Variants in EEFSEC observed in about 807,000 individuals in gnomAD.
The protein encoded by EEFSEC is selenocysteine-specific elongation factor.
A neutral mutation model predicts 42.1 loss-of-function variants in EEFSEC; 43 were observed. That is an observed-to-expected ratio of 1.02 (90% CI 0.80 to 1.32). The LOEUF is 1.32. Among genes scored for constraint, EEFSEC ranks in the 40% most tolerant of loss-of-function variants. The pLI, the probability that EEFSEC is intolerant of heterozygous loss-of-function variation, is 0.00. For synonymous variants in EEFSEC, 354 were observed against 339.1 expected (o/e 1.04, Z -0.48); for missense variants, 745 against 803.6 (o/e 0.93, Z 0.88).
intron 1 of EEFSEC, among the ~76,000 whole-genome samples, chr3:128,212,763 A>G (rs1177701982): frequency 6.6e-6 from 1 of 152,202 alleles, no homozygotes; most frequent in Non-Finnish European, 1.5e-5. Context: ...CAAAATTCAG[A>G]TAGTCTCTGT....
chr3:128,356,580 T>G (rs1048829527), intron 5 of EEFSEC, among the ~76,000 whole-genome samples: 2 of 152,236 alleles, frequency 1.3e-5, no homozygotes, highest in Non-Finnish European at 2.9e-5. Context: ...CTTCTTGGTT[T>G]GTTTTTACAT....
At chr3:128,164,796 T>C (rs2065228309) in intron 1 of EEFSEC, among the ~76,000 whole-genome samples, 1 of 152,076 alleles carries the variant, frequency 6.6e-6, no homozygotes, top group Non-Finnish European at 1.5e-5. Context: ...GAGTCTCTTC[T>C]GGGAGGAAGG....
intron 5 of EEFSEC, among the ~76,000 whole-genome samples, chr3:128,345,290 G>A (rs903953630): frequency 6.6e-6 from 1 of 152,126 alleles, no homozygotes; most frequent in African/African-American, 2.4e-5. Flanking sequence ...TGCCTGGAGC[G>A]TGGGTCCACT....
chr3:128,416,773 A>C, the EEFSEC span, among the ~76,000 whole-genome samples: 2 of 152,148 alleles, frequency 1.3e-5, no homozygotes, highest in Non-Finnish European at 2.9e-5. Flanking sequence ...GAAGGGAATG[A>C]GGTCCACAGC....
rs57494895 is a variant in EEFSEC at position 128,406,552 on chromosome 3, G to C, written c.1601-1517G>C. Among the ~76,000 whole-genome samples the C allele has an allele frequency of 4.2e-3, 633 of 152,308 alleles. 5 individuals carry two copies. The highest frequency in any genetic ancestry group is 0.02 in the Middle Eastern group (6 of 294). Reference sequence around the variant, plus strand: ...CACCAAAATAAGTATGTGAGGTGATGAATGTGTTAATTAGTCTGATTTAAT... The same window carrying C: ...CACCAAAATAAGTATGTGAGGTGATCAATGTGTTAATTAGTCTGATTTAAT... On this transcript the variant is annotated intron_variant, in intron 6 of 6. Transcript: ENST00000254730.
At chr3:128,226,079 C>CA (rs1214639130) in intron 1 of EEFSEC, among the ~76,000 whole-genome samples, 1 of 152,216 alleles carries the variant, frequency 6.6e-6, no homozygotes, top group Non-Finnish European at 1.5e-5. Flanking sequence ...GCTGTGGAAA[C>CA]ACTCGTTGCC....
chr3:128,253,019 C>T (rs183013333), intron 2 of EEFSEC, among the ~76,000 whole-genome samples: 1 of 152,188 alleles, frequency 6.6e-6, no homozygotes, highest in African/African-American at 2.4e-5. Flanking sequence ...GGAGCTGGGT[C>T]TCCCTTGTAC....
chr3:128,372,934 C>G (rs1288398107), intron 6 of EEFSEC, among the ~76,000 whole-genome samples: 1 of 152,262 alleles, frequency 6.6e-6, no homozygotes, highest in African/African-American at 2.4e-5. Context: ...GTAGATGTCA[C>G]TTCCATGAAA....
chr3:128,281,444 A>G (rs184879971), intron 4 of EEFSEC, among the ~76,000 whole-genome samples: 1 of 152,320 alleles, frequency 6.6e-6, no homozygotes, highest in East Asian at 1.9e-4. Context: ...TAGTAAGAGT[A>G]TGTTCCAGAA....
intron 4 of EEFSEC, among the ~76,000 whole-genome samples, chr3:128,324,613 AG>A (rs1481311865): frequency 6.6e-6 from 1 of 152,210 alleles, no homozygotes; most frequent in Non-Finnish European, 1.5e-5. Context: ...ATTTTCTGAT[AG>A]CCAACTTCCA....
At chr3:128,255,977 A>C (rs552074839) in intron 2 of EEFSEC, among the ~76,000 whole-genome samples, 1 of 151,894 alleles carries the variant, frequency 6.6e-6, no homozygotes, top group Non-Finnish European at 1.5e-5. Context: ...GTTTGGGGCT[A>C]TAGTGGGGGA....
chr3:128,261,341 T>C (rs930884520), intron 2 of EEFSEC, among the ~76,000 whole-genome samples: 3 of 152,240 alleles, frequency 2.0e-5, no homozygotes, highest in African/African-American at 7.2e-5. Context: ...TAGGCTTGGC[T>C]CAGCCATGTA....
intron 4 of EEFSEC, among the ~76,000 whole-genome samples, chr3:128,305,183 A>G (rs1211922557): frequency 6.6e-6 from 1 of 152,048 alleles, no homozygotes; most frequent in Non-Finnish European, 1.5e-5. Flanking sequence ...GGAGTGATTT[A>G]TGGTTTTTGT....
intron 6 of EEFSEC, among the ~76,000 whole-genome samples, chr3:128,393,394 G>C (rs192234978): frequency 6.6e-6 from 1 of 152,308 alleles, no homozygotes; most frequent in African/African-American, 2.4e-5. Flanking sequence ...TGGCGTTCAC[G>C]CTGCTGCAGA....
the EEFSEC span, among the ~76,000 whole-genome samples, chr3:128,419,149 G>A: frequency 3.3e-5 from 5 of 152,140 alleles, no homozygotes; most frequent in Admixed American, 1.3e-4. Context: ...CAGCTGCCAC[G>A]TCTATTAAAT....
At chr3:128,372,142 G>A (rs772170579) in intron 6 of EEFSEC, among the ~76,000 whole-genome samples, 9 of 152,222 alleles carry the variant, frequency 5.9e-5, no homozygotes, top group Non-Finnish European at 1.3e-4. Context: ...TCAGCAGAGT[G>A]AACTGATAAA....
chr3:128,192,394 T>C (rs1164844706), intron 1 of EEFSEC, among the ~76,000 whole-genome samples: 2 of 152,150 alleles, frequency 1.3e-5, no homozygotes, highest in Non-Finnish European at 2.9e-5. Context: ...CCCGCTCTTC[T>C]CCTGCAGATT....
rs374652465 is a variant in EEFSEC at position 128,229,953 on chromosome 3, CTTTCCTTTCCT to C, written c.317-16862_317-16852del. On this transcript the variant is annotated intron_variant, in intron 1 of 6. Transcript: ENST00000254730. ...GTGCCCACCAGCCCTGGAGGGTTTC[CTTTCCTTTCCT>C]TTTCCTTTCCTTTTCCTTTCATTCT... 6.6e-3 allele frequency among the ~76,000 whole-genome samples: 1,004 copies of C among 152,004 alleles called. 9 individuals carry two copies. The highest frequency in any genetic ancestry group is 0.024 in the Middle Eastern group (7 of 294).
At chr3:128,360,499 CT>C (rs2067511550) in intron 6 of EEFSEC, among the ~76,000 whole-genome samples, 1 of 152,248 alleles carries the variant, frequency 6.6e-6, no homozygotes, top group South Asian at 2.1e-4. Context: ...AGCTTATGGT[CT>C]TCTCCTTTGG....
Sources: allele counts gnomAD v4.1 joint callset (sites outside exome capture counted in the v4.1 genomes callset), GRCh38; gene constraint gnomAD v4.1.1; transcripts MANE v1.5; gene names NCBI Gene and HGNC (gene_info 2026-07-23, HGNC 2026-07-21).